Variants in ASAH2 observed in about 807,000 individuals in gnomAD.
The protein encoded by ASAH2 is neutral ceramidase.
Under a neutral mutation model 82.9 loss-of-function variants are expected in ASAH2, and 58 were observed. That is an observed-to-expected ratio of 0.70 (90% confidence interval 0.57 to 0.87). ASAH2 has a LOEUF of 0.87. Among genes scored for constraint, ASAH2 ranks in the 40% least tolerant of loss-of-function variants. The pLI, the probability that ASAH2 is intolerant of heterozygous loss-of-function variation, is 0.00. For missense variants in ASAH2, 779 were observed against 834.0 expected (o/e 0.93, Z 0.81); for synonymous variants, 276 against 289.7 (o/e 0.95, Z 0.48).
At chr10:50,221,661 A>G (rs919588115) in intron 7 of ASAH2, among the ~76,000 whole-genome samples, 289 of 116,076 alleles carry the variant, frequency 2.5e-3, no homozygotes, top group African/African-American at 4.5e-3. Context: ...GTGTGTGTGT[A>G]TAGATAGATA....
Position 50,236,203 on chromosome 10 carries a change from T to C in ASAH2, c.511-139A>G, listed in dbSNP as rs1055327591. On this transcript the variant is annotated intron_variant, in intron 4 of 20. Coordinates refer to ENST00000682911, the MANE Select transcript of ASAH2 (RefSeq NM_019893.4). ...CATTCTCATGCTGCTAATAAAGACA[T>C]ACCTAAGACTGAGTAATTTATAATG... The C allele has an allele frequency of 9.5e-5, 72 of 757,502 alleles. No individual in the cohort carries two copies. The African/African-American group carries it at 1.0e-3, about 11-fold the overall frequency. 46.9% of individuals were successfully genotyped at this position (757,502 alleles called of 1,614,324 possible). A position where few individuals can be genotyped will look rare whatever the true frequency, so the allele number is the denominator to read the frequency against.
intron 4 of ASAH2, among the ~76,000 whole-genome samples, chr10:50,241,721 G>A (rs542249329): frequency 6.6e-6 from 1 of 152,270 alleles, no homozygotes; most frequent in African/African-American, 2.4e-5. Flanking sequence ...AAAAAAGGGT[G>A]AGTTCATGTC....
chr10:50,244,925 G>T (rs1846406136), intron 3 of ASAH2, among the ~76,000 whole-genome samples: 1 of 150,850 alleles, frequency 6.6e-6, no homozygotes. Flanking sequence ...ATGTTACACT[G>T]GCCTGGTGAT....
intron 14 of ASAH2, among the ~76,000 whole-genome samples, chr10:50,204,226 C>A (rs907518974): frequency 4.0e-5 from 6 of 151,822 alleles, no homozygotes; most frequent in Non-Finnish European, 8.8e-5. Context: ...AGGGCTTAAT[C>A]TAGCTGCTGT....
rs143842851 is a variant in ASAH2 at position 50,234,442 on chromosome 10, C to A, written c.798G>T (p.Pro266=). 3.1e-6 allele frequency: 5 copies of A among 1,612,820 alleles called. No homozygotes were observed. The highest frequency in any genetic ancestry group is 1.7e-5 in the Admixed American group (1 of 59,924). ...CTCCTCACCTTGCTCTCTCTGACTG[C>A]GGATTTTGAAGGTAAGAATACGGAC... ...NRSPYSYLQN[P]QSERARYSSN... The change falls in exon 6 of 21, where the codon CCG becomes CCT. Residue 266 remains proline (P), a synonymous_variant. Transcript: ENST00000682911.
chr10:50,206,662 C>A (rs115716466), intron 12 of ASAH2, among the ~76,000 whole-genome samples: 4,786 of 151,306 alleles, frequency 0.032, 136 homozygotes, highest in Middle Eastern at 0.14. Flanking sequence ...AATTAAGAAT[C>A]TATACTCTAT....
chr10:50,212,462 A>G (rs1845481400), intron 10 of ASAH2, among the ~76,000 whole-genome samples: 1 of 152,148 alleles, frequency 6.6e-6, no homozygotes. Context: ...AGAAAAGAAT[A>G]GCTGGATGAT....
At chr10:50,208,388 A>G (rs942092767) in intron 12 of ASAH2, among the ~76,000 whole-genome samples, 107 of 152,136 alleles carry the variant, frequency 7.0e-4, no homozygotes, top group Middle Eastern at 3.4e-3. Context: ...TTAAGATGAC[A>G]TGATCTTGTA....
intron 11 of ASAH2, 37 bp downstream of exon 11, chr10:50,210,993 C>T (rs1845440708): frequency 1.4e-5 from 23 of 1,600,550 alleles, no homozygotes; most frequent in Non-Finnish European, 2.0e-5. Context: ...AAAACTTCAC[C>T]CTTGGGGCAT....
chr10:50,208,301 C>T (rs1845358797), intron 12 of ASAH2, among the ~76,000 whole-genome samples: 2 of 151,912 alleles, frequency 1.3e-5, no homozygotes, highest in South Asian at 2.1e-4. Context: ...AGGTTCTAGG[C>T]AGGCAATTAG....
At chr10:50,209,559 G>C (rs1289836388) in intron 12 of ASAH2, among the ~76,000 whole-genome samples, 1 of 151,832 alleles carries the variant, frequency 6.6e-6, no homozygotes, top group Non-Finnish European at 1.5e-5. Context: ...ATGTTGACCA[G>C]GGTGGTCTCA....
At chr10:50,205,493 A>T (rs1393302935) in intron 13 of ASAH2, among the ~76,000 whole-genome samples, 1 of 152,006 alleles carries the variant, frequency 6.6e-6, no homozygotes, top group Non-Finnish European at 1.5e-5. Context: ...TCAACAATCC[A>T]AGTTTTTATG....
Position 50,210,839 on chromosome 10 carries a change from G to T in ASAH2, c.1398C>A (p.Gly466=). The change falls in exon 12 of 21, where the codon GGC becomes GGA. Residue 466 remains glycine, a synonymous_variant. Transcript: ENST00000682911. ...TCACCTTACCCTGTGTAAAATTGAGGCCTCCAACTCCATCAATAGTGCCAG... is the reference window on the plus strand; with the variant it reads ...TCACCTTACCCTGTGTAAAATTGAGTCCTCCAACTCCATCAATAGTGCCAG... ...FAAGTIDGVG[G]LNFTQGKTEG... 1 of 1,612,502 alleles carries T rather than the reference G, an allele frequency of 6.2e-7. No homozygotes were observed.
At chr10:50,223,127 A>T (rs983514548) in intron 7 of ASAH2, among the ~76,000 whole-genome samples, 3 of 152,358 alleles carry the variant, frequency 2.0e-5, no homozygotes, top group East Asian at 3.9e-4. Context: ...ACTAAAATTT[A>T]AAAATTATTG....
At chr10:50,221,050 G>T (rs1390747102) in intron 7 of ASAH2, among the ~76,000 whole-genome samples, 1 of 152,146 alleles carries the variant, frequency 6.6e-6, no homozygotes, top group Non-Finnish European at 1.5e-5. Context: ...CAATGAGTGA[G>T]CTGAATTCAG....
At chr10:50,218,468 T>G in intron 8 of ASAH2, 42 bp downstream of exon 8, 4 of 1,613,288 alleles carry the variant, frequency 2.5e-6, no homozygotes, top group Non-Finnish European at 2.5e-6. Flanking sequence ...ATGATGACAC[T>G]CAGTGAATCA....
intron 3 of ASAH2, among the ~76,000 whole-genome samples, chr10:50,243,894 G>T (rs7068333): frequency 6.6e-6 from 1 of 152,050 alleles, no homozygotes; most frequent in Non-Finnish European, 1.5e-5. Flanking sequence ...AGGGTACCTC[G>T]CCCTGGCTTT....
chr10:50,211,924 G>A (rs2133207361), intron 10 of ASAH2, among the ~76,000 whole-genome samples: 1 of 152,242 alleles, frequency 6.6e-6, no homozygotes, highest in East Asian at 1.9e-4. Context: ...AATGCAGAAT[G>A]TGGGTCAAAT....
intron 4 of ASAH2, among the ~76,000 whole-genome samples, chr10:50,236,787 T>C (rs931981503): frequency 1.3e-5 from 2 of 152,136 alleles, no homozygotes; most frequent in African/African-American, 4.8e-5. Context: ...ATTTGCCTGT[T>C]GATCTAATAA....
Sources: gnomAD v4.1 joint callset for allele counts (sites outside exome capture counted in the v4.1 genomes callset) on GRCh38, gnomAD v4.1.1 for gene constraint, MANE v1.5 for transcripts, NCBI Gene and HGNC (gene_info 2026-07-23, HGNC 2026-07-21) for gene names.